The following MFSD6 variants were observed in gnomAD, a reference collection of about 807,000 sequenced individuals.
MFSD6 encodes the protein major facilitator superfamily domain-containing protein 6.
In MFSD6, 26 loss-of-function variants were observed where a neutral mutation model predicts 56.3. The ratio of observed to expected loss-of-function variants is 0.46; its 90% CI spans 0.34 to 0.64. The LOEUF (loss-of-function observed/expected upper bound fraction) is 0.64, where lower values mean the gene tolerates loss of function less well. MFSD6 is among the 30% of genes least tolerant of loss of function. The pLI, the probability that MFSD6 is intolerant of heterozygous loss-of-function variation, is 0.01. For missense variants in MFSD6, 750 were observed against 986.2 expected, an observed-to-expected ratio of 0.76 and a Z score of 3.21; for synonymous variants, 331 against 366.9, an observed-to-expected ratio of 0.90 and a Z score of 1.12.
At position 190,487,079 on chromosome 2, in the gene MFSD6, G is replaced by A. The variant is rs974237109; in HGVS notation, c.1631-1578G>A. On this transcript the variant is annotated intron_variant, in intron 4 of 7. Transcript: ENST00000392328. This position sits in a 1 kb window ranked among gnomAD's most constrained non-coding sequence, Gnocchi z 5.5. ...ATTAAGAAGCATGGCTGGGTGCAGT[G>A]GCTCACTAATCCCAGCACTTTGAGA... is the stretch of plus-strand genomic sequence containing the variant. Among the ~76,000 whole-genome samples the A allele has an allele frequency of 2.0e-5, 3 of 152,138 alleles. No individual in the cohort carries two copies. The highest frequency in any genetic ancestry group is 4.4e-5 in the Non-Finnish European group (3 of 68,030).
intron 3 of MFSD6, among the ~76,000 whole-genome samples, chr2:190,453,634 G>A (rs1027952225): frequency 1.3e-5 from 2 of 152,206 alleles, no homozygotes; most frequent in African/African-American, 4.8e-5. Flanking sequence ...CCTAATGTCA[G>A]AACCTGAAGT....
At chr2:190,414,728 T>C (rs1036783689) in intron 1 of MFSD6, among the ~76,000 whole-genome samples, 13 of 152,226 alleles carry the variant, frequency 8.5e-5, no homozygotes, top group African/African-American at 2.9e-4. Context: ...TTTTTAAATA[T>C]GTATTTTTAA....
Position 190,499,773 on chromosome 2 carries a change from C to G in MFSD6, c.2173-242C>G. ...TAACAGACATTTTGGTAGTAATGTT[C>G]CTTTTTCCACAAGACACGTCTGCTT... On this transcript the variant is annotated intron_variant, in intron 7 of 7. Coordinates refer to ENST00000392328, the MANE Select transcript of MFSD6 (RefSeq NM_017694.4). The surrounding 1 kb of genome is among the most constrained non-coding windows in gnomAD (Gnocchi z 6.0). 6.8e-7 allele frequency: 1 copy of G among 1,462,064 alleles called. No individual in the cohort carries two copies. Among genetic ancestry groups the G allele is most frequent in the Non-Finnish European group, 9.2e-7 (1 of 1,089,608 alleles). 90.6% of individuals were successfully genotyped at this position (1,462,064 alleles called of 1,614,324 possible).
In MFSD6 at chr2:190,467,949, T is replaced by C. The variant is rs1200704910; in HGVS notation, c.1533-1809T>C. ...TGTAGCTCGTGAAGCCTAAACTGTT[T>C]AATGTGTGGTCCTTTATAGAAAAGT... On this transcript the variant is annotated intron_variant, in intron 3 of 7. Coordinates refer to ENST00000392328, the MANE Select transcript of MFSD6 (RefSeq NM_017694.4). The surrounding 1 kb of genome is among the most constrained non-coding windows in gnomAD (Gnocchi z 5.5). Among the ~76,000 whole-genome samples the C allele has an allele frequency of 6.6e-6, 1 of 152,230 alleles. No homozygotes were observed. Among genetic ancestry groups the C allele is most frequent in the African/African-American group, 2.4e-5 (1 of 41,464 alleles).
intron 3 of MFSD6, among the ~76,000 whole-genome samples, chr2:190,440,567 A>G (rs976846887): frequency 2.0e-5 from 3 of 152,246 alleles, no homozygotes; most frequent in African/African-American, 7.2e-5. Context: ...GAGTAGGATT[A>G]TAATCAAAAT....
rs1686782398 is a variant in MFSD6 at position 190,451,771 on chromosome 2, A to G, written c.1532+14210A>G. 6.6e-6 allele frequency among the ~76,000 whole-genome samples: 1 copy of G among 152,244 alleles called. No homozygotes were observed. Among genetic ancestry groups the G allele is most frequent in the South Asian group, 2.1e-4 (1 of 4,836 alleles). Reference sequence around the variant, plus strand: ...GAGGGTAATAAAAGGACACCAGTGCACTGGACAAGGATCCTGGGAAGCTTG... The same window carrying G: ...GAGGGTAATAAAAGGACACCAGTGCGCTGGACAAGGATCCTGGGAAGCTTG... On this transcript the variant is annotated intron_variant, in intron 3 of 7. Transcript: ENST00000392328. The surrounding 1 kb of genome is among the most constrained non-coding windows in gnomAD (Gnocchi z 5.0).
chr2:190,414,697 T>G (rs1690704302), intron 1 of MFSD6, among the ~76,000 whole-genome samples: 1 of 152,198 alleles, frequency 6.6e-6, no homozygotes, highest in African/African-American at 2.4e-5. Context: ...CACTCAAATG[T>G]TTTATATTTA....
Position 190,485,087 on chromosome 2 carries a change from T to C in MFSD6, c.1631-3570T>C, listed in dbSNP as rs536070370. Among the ~76,000 whole-genome samples the C allele has an allele frequency of 5.9e-5, 9 of 152,296 alleles. No individual in the cohort carries two copies. In the South Asian group the frequency reaches 1.2e-3, roughly 21 times the overall value. On this transcript the variant is annotated intron_variant, in intron 4 of 7. Coordinates refer to ENST00000392328, the MANE Select transcript of MFSD6 (RefSeq NM_017694.4). This position sits in a 1 kb window ranked among gnomAD's most constrained non-coding sequence, Gnocchi z 5.1. The stretch of plus-strand genomic sequence containing the variant: ...AATACTAGTCAGTAAATTCTAAGAA[T>C]AGTTTAAAAGCATCCTGACTTAAGT...
At chr2:190,484,470 G>A (rs1360360696) in intron 4 of MFSD6, among the ~76,000 whole-genome samples, 1 of 152,084 alleles carries the variant, frequency 6.6e-6, no homozygotes, top group African/African-American at 2.4e-5. Flanking sequence ...CAGGAATGTC[G>A]TTTTCGGTAG....
intron 4 of MFSD6, among the ~76,000 whole-genome samples, chr2:190,470,605 A>G (rs1412129196): frequency 6.6e-6 from 1 of 152,238 alleles, no homozygotes; most frequent in Admixed American, 6.5e-5. Context: ...CTACTAAATC[A>G]TTAATTGCAC....
intron 2 of MFSD6, 27 bp from the exon 3 acceptor site, chr2:190,435,950 A>C: frequency 6.7e-7 from 1 of 1,495,282 alleles, no homozygotes; most frequent in South Asian, 1.4e-5. Flanking sequence ...TTCATTACTA[A>C]GCCATCTTTT....
At chr2:190,422,463 A>G (rs937392458) in intron 2 of MFSD6, among the ~76,000 whole-genome samples, 4 of 150,874 alleles carry the variant, frequency 2.7e-5, no homozygotes, top group Non-Finnish European at 4.4e-5. Flanking sequence ...GGTACATAAG[A>G]GATAAATTTT....
chr2:190,452,338 A>T (rs568445592), intron 3 of MFSD6, among the ~76,000 whole-genome samples: 34 of 152,326 alleles, frequency 2.2e-4, no homozygotes, highest in African/African-American at 7.7e-4. Flanking sequence ...ATAATATTTT[A>T]AAAATAGTAA....
Position 190,434,677 on chromosome 2 carries a change from C to T in MFSD6, c.-53-1300C>T, listed in dbSNP as rs1686117714. On this transcript the variant is annotated intron_variant, in intron 2 of 7. Transcript: ENST00000392328. The surrounding 1 kb of genome is among the most constrained non-coding windows in gnomAD (Gnocchi z 4.3). ...TCAATCTCCTGAACTCATGATCCGC[C>T]CCCCTCAGCCTCCCAAAGTGCTGGG... Among the ~76,000 whole-genome samples the T allele has an allele frequency of 6.6e-6, 1 of 152,182 alleles. No individual in the cohort carries two copies. Among genetic ancestry groups the T allele is most frequent in the Non-Finnish European group, 1.5e-5 (1 of 68,032 alleles).
At chr2:190,430,954 G>C (rs1344827980) in intron 2 of MFSD6, among the ~76,000 whole-genome samples, 1 of 148,574 alleles carries the variant, frequency 6.7e-6, no homozygotes, top group Non-Finnish European at 1.5e-5. Flanking sequence ...CAGACGGGGC[G>C]GCTGCTGGGT....
At chr2:190,427,508 C>T (rs534316676) in intron 2 of MFSD6, among the ~76,000 whole-genome samples, 1 of 152,302 alleles carries the variant, frequency 6.6e-6, no homozygotes, top group South Asian at 2.1e-4. Context: ...TTGTTTGCAC[C>T]TATCTTCACC....
At chr2:190,444,816 C>A in intron 3 of MFSD6, 1 of 640,512 alleles carries the variant, frequency 1.6e-6, no homozygotes, top group Non-Finnish European at 1.9e-6. Flanking sequence ...CATTCAGAAA[C>A]AAGTGTTTCA....
Position 190,412,692 on chromosome 2 carries a change from C to G in MFSD6, c.-175-2600C>G, listed in dbSNP as rs1690607569. On this transcript the variant is annotated intron_variant, in intron 1 of 7. Coordinates refer to ENST00000392328, the MANE Select transcript of MFSD6 (RefSeq NM_017694.4). The surrounding 1 kb of genome is among the most constrained non-coding windows in gnomAD (Gnocchi z 4.1). ...ATTATCCAACATTAGCTGTCTGTTC[C>G]CATTTACTCTACTGGCATTTTGGGG... is the stretch of plus-strand genomic sequence containing the variant. 1.1e-6 allele frequency: 1 copy of G among 896,066 alleles called. No homozygotes were observed. Among genetic ancestry groups the G allele is most frequent in the Non-Finnish European group, 1.3e-6 (1 of 748,772 alleles). 55.5% of individuals were successfully genotyped at this position (896,066 alleles called of 1,614,324 possible).
At chr2:190,408,088 G>A (rs1346304977), upstream of MFSD6, among the ~76,000 whole-genome samples, 1 of 152,050 alleles carries the variant, frequency 6.6e-6, no homozygotes, top group Non-Finnish European at 1.5e-5. Flanking sequence ...GCGGGCTGGA[G>A]GCCGGGAGCG....
Sources: gnomAD v4.1 joint callset for allele counts (sites outside exome capture counted in the v4.1 genomes callset) on GRCh38, gnomAD v4.1.1 for gene constraint, Gnocchi (gnomAD v3.1) non-coding constraint, MANE v1.5 for transcripts, NCBI Gene and HGNC (gene_info 2026-07-23, HGNC 2026-07-21) for gene names.